Variants in STK32A observed in about 807,000 individuals in gnomAD.
STK32A encodes serine/threonine-protein kinase 32A.
In STK32A, 41 loss-of-function variants were observed where a neutral mutation model predicts 53.2. That is an observed-to-expected ratio of 0.77 (90% CI 0.60 to 1.00). STK32A has a LOEUF of 1.00. Ranked by LOEUF, STK32A falls within the 50% of genes least tolerant of loss-of-function variation. STK32A has a pLI of 0.00. For missense variants in STK32A, 458 were observed against 485.8 expected (o/e 0.94, Z 0.54); for synonymous variants, 166 against 162.8 (o/e 1.02, Z -0.15).
At chr5:147,279,600 G>A (rs1751952812) in intron 4 of STK32A, among the ~76,000 whole-genome samples, 1 of 152,174 alleles carries the variant, frequency 6.6e-6, no homozygotes, top group African/African-American at 2.4e-5. Context: ...ACTCAAGAGA[G>A]GGGAGCATGG....
chr5:147,383,562 C>A, intron 12 of STK32A, 57 bp downstream of exon 12: 2 of 1,275,006 alleles, frequency 1.6e-6, no homozygotes, highest in Non-Finnish European at 2.2e-6. Context: ...TTCAGCCAGA[C>A]TTTACTTGCA....
intron 2 of STK32A, among the ~76,000 whole-genome samples, chr5:147,262,847 G>C (rs1754643337): frequency 6.6e-6 from 1 of 152,160 alleles, no homozygotes; most frequent in Admixed American, 6.5e-5. Flanking sequence ...GAAATAACCA[G>C]ACCCATGCCG....
At chr5:147,396,822 T>C in the STK32A span, among the ~76,000 whole-genome samples, 1 of 150,670 alleles carries the variant, frequency 6.6e-6, no homozygotes, top group Non-Finnish European at 1.5e-5. Context: ...CTAATACACA[T>C]ATATATACAA....
At chr5:147,269,705 A>T (rs1754949181) in intron 2 of STK32A, among the ~76,000 whole-genome samples, 1 of 152,172 alleles carries the variant, frequency 6.6e-6, no homozygotes, top group Admixed American at 6.6e-5. Context: ...ACTTATTCAG[A>T]CTGCATTGGT....
At chr5:147,283,534 G>A (rs1000101867) in intron 4 of STK32A, among the ~76,000 whole-genome samples, 3 of 150,556 alleles carry the variant, frequency 2.0e-5, no homozygotes, top group Non-Finnish European at 3.0e-5. Flanking sequence ...AAACAAAATT[G>A]GTAGACTATT....
Position 147,250,799 on chromosome 5 carries a change from G to A in STK32A, c.52+11113G>A, listed in dbSNP as rs186853280. Among the ~76,000 whole-genome samples the A allele has an allele frequency of 4.0e-3, 612 of 151,872 alleles. 2 individuals carry two copies. Among genetic ancestry groups the A allele is most frequent in the African/African-American group, 0.014 (564 of 41,418 alleles). On this transcript the variant is annotated intron_variant, in intron 2 of 12. Transcript: ENST00000397936. ...TACTAAAAATACAAAAAAATTAGCC[G>A]GGCCTGGTGGCGGGTGCCTGTAGTC...
intron 2 of STK32A, among the ~76,000 whole-genome samples, chr5:147,260,004 C>T (rs1754439688): frequency 6.9e-6 from 1 of 145,700 alleles, no homozygotes; most frequent in Non-Finnish European, 1.5e-5. Context: ...CTCTCTTTCT[C>T]TCTCCTCTGT....
chr5:147,396,960 T>TTA, the STK32A span, among the ~76,000 whole-genome samples: 66,351 of 147,282 alleles, frequency 0.45, 15,687 homozygotes, highest in African/African-American at 0.56. Context: ...ATACGCATTT[T>TTA]TGTTTTTAAT....
intron 5 of STK32A, among the ~76,000 whole-genome samples, chr5:147,327,172 A>G (rs1754638687): frequency 6.6e-6 from 1 of 152,196 alleles, no homozygotes. Context: ...AATTTAAATG[A>G]TAATAACTTT....
At chr5:147,282,119 A>G in intron 4 of STK32A, among the ~76,000 whole-genome samples, 1 of 152,226 alleles carries the variant, frequency 6.6e-6, no homozygotes, top group East Asian at 1.9e-4. Context: ...AAATCTTAAA[A>G]CAAATCCTGG....
At chr5:147,295,920 C>T (rs1242223274) in intron 4 of STK32A, among the ~76,000 whole-genome samples, 1 of 152,168 alleles carries the variant, frequency 6.6e-6, no homozygotes, top group Non-Finnish European at 1.5e-5. Flanking sequence ...AGGTAAAGGT[C>T]CAGTTAAGAC....
rs921202163 is a variant in STK32A, at chr5:147,271,658, C to T, written c.53-6466C>T. 4.0e-4 allele frequency among the ~76,000 whole-genome samples: 61 copies of T among 152,198 alleles called. 1 individual carries two copies. The highest frequency in any genetic ancestry group is 1.4e-3 in the African/African-American group (58 of 41,532). On this transcript the variant is annotated intron_variant, in intron 2 of 12. Transcript: ENST00000397936. ...CCTGAGGGTGGGCCTCTAAAATGGC[C>T]CCCTTGGGTGTGGCCGTCTTCTATG...
intron 4 of STK32A, among the ~76,000 whole-genome samples, chr5:147,285,942 G>T (rs1268782917): frequency 7.9e-5 from 12 of 152,096 alleles, no homozygotes; most frequent in African/African-American, 2.9e-4. Flanking sequence ...CCTCTACTGG[G>T]TATCTACTCA....
intron 5 of STK32A, among the ~76,000 whole-genome samples, chr5:147,334,973 A>G (rs1184259380): frequency 1.3e-5 from 2 of 152,230 alleles, no homozygotes; most frequent in Non-Finnish European, 2.9e-5. Flanking sequence ...CCTTTTGTAC[A>G]TACCTATGGT....
At chr5:147,283,540 C>T (rs1034197612) in intron 4 of STK32A, among the ~76,000 whole-genome samples, 1 of 150,266 alleles carries the variant, frequency 6.7e-6, no homozygotes, top group African/African-American at 2.4e-5. Flanking sequence ...AATTGGTAGA[C>T]TATTGGCAAG....
downstream of STK32A, chr5:147,392,574 CT>C (rs1757842997): frequency 6.6e-6 from 1 of 152,212 alleles, no homozygotes; most frequent in South Asian, 2.1e-4. Flanking sequence ...CATCTTGGTT[CT>C]ATAGATTCTT....
intron 2 of STK32A, among the ~76,000 whole-genome samples, chr5:147,272,027 G>A (rs1239587194): frequency 1.3e-5 from 2 of 152,062 alleles, no homozygotes; most frequent in African/African-American, 4.8e-5. Context: ...GGGGCATCAC[G>A]GAACCTACCG....
intron 5 of STK32A, among the ~76,000 whole-genome samples, chr5:147,329,188 A>G (rs375892516): frequency 7.7e-4 from 117 of 152,328 alleles, no homozygotes; most frequent in African/African-American, 2.6e-3. Context: ...ATTTTTATTT[A>G]TCACCTTTGC....
chr5:147,368,776 TGTAAA>T (rs1756883253), intron 8 of STK32A, among the ~76,000 whole-genome samples: 1 of 152,174 alleles, frequency 6.6e-6, no homozygotes, highest in Non-Finnish European at 1.5e-5. Flanking sequence ...CATATGGCCT[TGTAAA>T]GTAACTAGAG....
Sources: gnomAD v4.1 joint callset for allele counts (sites outside exome capture counted in the v4.1 genomes callset) on GRCh38, gnomAD v4.1.1 for gene constraint, MANE v1.5 for transcripts, NCBI Gene and HGNC (gene_info 2026-07-23, HGNC 2026-07-21) for gene names.